The following DNAAF9 variants were observed in gnomAD, a reference collection of about 807,000 sequenced individuals.
DNAAF9 encodes the protein shulin.
Under a neutral mutation model 167.0 loss-of-function variants are expected in DNAAF9, and 90 were observed. That is an observed-to-expected ratio of 0.54 (90% CI 0.45 to 0.64). The LOEUF (loss-of-function observed/expected upper bound fraction) is 0.64. Ranked by LOEUF, DNAAF9 falls within the 30% of genes least tolerant of loss-of-function variation. DNAAF9 has a pLI of 0.00. For missense variants in DNAAF9, 1,315 were observed against 1,442.2 expected, an observed-to-expected ratio of 0.91 and a Z score of 1.43; for synonymous variants, 491 against 508.8, an observed-to-expected ratio of 0.96 and a Z score of 0.47.
At chr20:3,275,622 T>G (rs890647865) in intron 29 of DNAAF9, among the ~76,000 whole-genome samples, 2 of 152,214 alleles carry the variant, frequency 1.3e-5, no homozygotes, top group Admixed American at 1.3e-4. Context: ...CTATGTAAAC[T>G]GCCACCTGCC....
intron 12 of DNAAF9, 74 bp from the exon 13 acceptor site, chr20:3,326,358 G>T: frequency 3.1e-6 from 3 of 979,166 alleles, no homozygotes; most frequent in South Asian, 2.8e-5. Context: ...GCACATAAAT[G>T]ACAGCCCCTA....
Position 3,288,260 on chromosome 20 carries a change from G to C in DNAAF9, c.2328-470C>G, listed in dbSNP as rs566311848. ...AAGTCGGGAGGTTCAAGACCAGCCT[G>C]ACCAACATAGAGAAATTCCATCTCT... On this transcript the variant is annotated intron_variant, in intron 26 of 36. Coordinates refer to ENST00000252032, the MANE Select transcript of DNAAF9 (RefSeq NM_001009984.3). 2.0e-5 allele frequency among the ~76,000 whole-genome samples: 3 copies of C among 152,352 alleles called. No individual in the cohort carries two copies. The East Asian group carries it at 5.8e-4, about 29-fold the overall frequency.
chr20:3,342,882 G>A (rs891539141), intron 9 of DNAAF9, among the ~76,000 whole-genome samples: 4 of 152,130 alleles, frequency 2.6e-5, no homozygotes, highest in Admixed American at 6.5e-5. Flanking sequence ...ACCCATCTTC[G>A]TGGGGCTGGA....
chr20:3,277,731 T>C (rs1166411231), intron 29 of DNAAF9, among the ~76,000 whole-genome samples: 1 of 152,120 alleles, frequency 6.6e-6, no homozygotes, highest in Non-Finnish European at 1.5e-5. Context: ...CTCCATTTCA[T>C]CCTGTTTCTG....
chr20:3,347,815 G>T (rs1373520972), intron 8 of DNAAF9, among the ~76,000 whole-genome samples: 1 of 152,048 alleles, frequency 6.6e-6, no homozygotes, highest in Non-Finnish European at 1.5e-5. Context: ...CCAGCTACTT[G>T]GGAGGCTGAG....
chr20:3,308,090 C>T (rs2069334905), intron 20 of DNAAF9, among the ~76,000 whole-genome samples: 1 of 152,052 alleles, frequency 6.6e-6, no homozygotes, highest in African/African-American at 2.4e-5. Flanking sequence ...TGTCCTTCCT[C>T]AATGAGAGCC....
chr20:3,386,704 A>AACC (rs1364788873), intron 1 of DNAAF9, among the ~76,000 whole-genome samples: 1 of 152,178 alleles, frequency 6.6e-6, no homozygotes, highest in Admixed American at 6.5e-5. Context: ...AATATCTGCA[A>AACC]ACCACATATC....
intron 31 of DNAAF9, among the ~76,000 whole-genome samples, chr20:3,263,117 G>C (rs2068424117): frequency 6.6e-6 from 1 of 151,968 alleles, no homozygotes; most frequent in Admixed American, 6.6e-5. Flanking sequence ...TGGGACTACA[G>C]GCATCCACCA....
At chr20:3,331,057 C>T (rs1308867396) in intron 11 of DNAAF9, among the ~76,000 whole-genome samples, 3 of 152,116 alleles carry the variant, frequency 2.0e-5, no homozygotes, top group African/African-American at 4.8e-5. Context: ...TTCCAAAGTG[C>T]TAGGATTACA....
At chr20:3,290,083 A>C in intron 26 of DNAAF9, 46 bp downstream of exon 26, 2 of 1,267,106 alleles carry the variant, frequency 1.6e-6, no homozygotes. Context: ...AGGCAGGCCC[A>C]AGTTAGAATC....
intron 7 of DNAAF9, among the ~76,000 whole-genome samples, chr20:3,357,095 A>G (rs867775803): frequency 2.2e-4 from 34 of 152,238 alleles, no homozygotes; most frequent in Admixed American, 1.7e-3. Context: ...TCACTTGGCT[A>G]CTTATTTTCA....
intron 12 of DNAAF9, 138 bp downstream of exon 12, chr20:3,330,508 T>A: frequency 1.6e-6 from 1 of 620,618 alleles, no homozygotes. Context: ...TCCGAAAATG[T>A]TGGGATTACA....
chr20:3,322,264 T>C lies in DNAAF9; in HGVS notation c.1311-2A>G. On this transcript the variant is annotated splice_acceptor_variant, in intron 15 of 36. Coordinates refer to ENST00000252032, the MANE Select transcript of DNAAF9 (RefSeq NM_001009984.3). LOFTEE classifies it high-confidence loss of function. ...TCTTCACTGTCCAGCGGTACAATTC[T>C]AGGAGGGGAAAGAGATGGAAGACTA... is the stretch of plus-strand genomic sequence containing the variant. 4.4e-6 allele frequency: 7 copies of C among 1,604,436 alleles called. No homozygotes were observed. Among genetic ancestry groups the C allele is most frequent in the Non-Finnish European group, 6.0e-6 (7 of 1,172,114 alleles).
intron 1 of DNAAF9, 70 bp downstream of exon 1, chr20:3,407,405 A>G: frequency 8.5e-7 from 1 of 1,171,666 alleles, no homozygotes; most frequent in Non-Finnish European, 1.1e-6. Context: ...CTGCGGCGGG[A>G]GGCGTCGCCG....
chr20:3,345,443 T>G (rs1027333447), intron 8 of DNAAF9, among the ~76,000 whole-genome samples: 1 of 152,208 alleles, frequency 6.6e-6, no homozygotes, highest in African/African-American at 2.4e-5. Context: ...TAGAGATGAG[T>G]TGACAAAGAT....
intron 28 of DNAAF9, among the ~76,000 whole-genome samples, chr20:3,281,163 G>T (rs2068758882): frequency 6.6e-6 from 1 of 152,014 alleles, no homozygotes; most frequent in Non-Finnish European, 1.5e-5. Flanking sequence ...TGAGTAGCTG[G>T]GATTACAAGT....
chr20:3,348,479 T>C, intron 8 of DNAAF9, 46 bp downstream of exon 8: 2 of 993,410 alleles, frequency 2.0e-6, no homozygotes, highest in South Asian at 1.7e-5. Context: ...AAACAATAAA[T>C]AAATTAACCA....
chr20:3,402,156 T>C (rs1366970099), intron 1 of DNAAF9, among the ~76,000 whole-genome samples: 1 of 152,214 alleles, frequency 6.6e-6, no homozygotes, highest in African/African-American at 2.4e-5. Context: ...TAGCTTACAA[T>C]CCTGCTAGAA....
In DNAAF9 at chr20:3,264,465, C is replaced by T. The variant is rs573749106; in HGVS notation, c.2846G>A (p.Arg949Gln). 5.2e-6 allele frequency: 8 copies of T among 1,539,292 alleles called. No individual in the cohort carries two copies. Among genetic ancestry groups the T allele is most frequent in the Admixed American group, 5.0e-5 (3 of 59,770 alleles). Residue 949 changes from arginine to glutamine, a missense_variant, in exon 31 of 37, where the codon CGA becomes CAA. This residue lies in a region of DNAAF9 where 334 missense variants were observed against 429.7 expected (regional missense o/e 0.78). Coordinates refer to ENST00000252032, the MANE Select transcript of DNAAF9 (RefSeq NM_001009984.3). ...ENSFSSPEML[R>Q]SRYLMYPGWY... is the part of the protein sequence containing the mutation. ...GCCAGGATACATTAAATATCGAGAT[C>T]GTAGCATCTCAGGACTTGAAAAACT... is the stretch of plus-strand genomic sequence containing the variant.
Sources: allele counts gnomAD v4.1 joint callset (sites outside exome capture counted in the v4.1 genomes callset), GRCh38; gene constraint gnomAD v4.1.1; regional missense constraint gnomAD v4.1.1; transcripts MANE v1.5; gene names NCBI Gene and HGNC (gene_info 2026-07-23, HGNC 2026-07-21).